Variants in GRID2 observed in about 807,000 individuals in gnomAD.
GRID2 encodes the protein glutamate ionotropic receptor delta type subunit 2.
A neutral mutation model predicts 114.8 loss-of-function variants in GRID2; 33 were observed. That is an observed-to-expected ratio of 0.29 (90% confidence interval 0.22 to 0.38). The LOEUF (loss-of-function observed/expected upper bound fraction) is 0.38, where lower values mean the gene tolerates loss of function less well. Ranked by LOEUF, GRID2 falls within the 10% of genes least tolerant of loss-of-function variation. GRID2 has a pLI of 1.00. For synonymous variants in GRID2, 505 were observed against 449.9 expected (o/e 1.12, Z -1.55); for missense variants, 1,184 against 1,257.7 (o/e 0.94, Z 0.89).
intron 1 of GRID2, among the ~76,000 whole-genome samples, chr4:92,382,106 T>G (rs1207622648): frequency 6.6e-6 from 1 of 151,904 alleles, no homozygotes; most frequent in African/African-American, 2.4e-5. Context: ...TTTGAATATA[T>G]TTATAGTTAC....
chr4:93,016,821 G>C (rs1203295759), intron 2 of GRID2, among the ~76,000 whole-genome samples: 2 of 152,122 alleles, frequency 1.3e-5, no homozygotes, highest in African/African-American at 4.8e-5. Flanking sequence ...AACTACTTTA[G>C]TCATTTTGAG....
chr4:92,867,344 A>G (rs1744943348), intron 2 of GRID2, among the ~76,000 whole-genome samples: 1 of 152,200 alleles, frequency 6.6e-6, no homozygotes, highest in East Asian at 1.9e-4. Context: ...TTTATTCACT[A>G]GAATCAAGGA....
intron 2 of GRID2, among the ~76,000 whole-genome samples, chr4:92,745,817 G>A (rs962526001): frequency 2.6e-5 from 4 of 152,070 alleles, no homozygotes; most frequent in East Asian, 1.9e-4. Flanking sequence ...AGACCATGTA[G>A]CAAATTCAAT....
At chr4:92,430,199 T>G (rs1732371375) in intron 1 of GRID2, among the ~76,000 whole-genome samples, 1 of 152,300 alleles carries the variant, frequency 6.6e-6, no homozygotes, top group East Asian at 1.9e-4. Flanking sequence ...TCGTGGAAAG[T>G]TTCCCCCATG....
chr4:93,371,795 T>G (rs950405446), intron 8 of GRID2, among the ~76,000 whole-genome samples: 3 of 141,858 alleles, frequency 2.1e-5, no homozygotes, highest in African/African-American at 8.3e-5. Context: ...TTGCCCAGGC[T>G]GGAGCGCAGT....
In GRID2 at chr4:93,440,398, G is replaced by T. The variant is rs78951599; in HGVS notation, c.1546-15264G>T. On this transcript the variant is annotated intron_variant, in intron 10 of 15. Coordinates refer to ENST00000282020, the MANE Select transcript of GRID2 (RefSeq NM_001510.4). ...GAAGCCCTTATAGAGACTTTAAATT[G>T]GACAGTGGCTAAGACTTTCATTCTT... Among the ~76,000 whole-genome samples the T allele has an allele frequency of 8.1e-3, 1,225 of 152,110 alleles. 12 individuals carry two copies. Among genetic ancestry groups the T allele is most frequent in the African/African-American group, 0.028 (1,180 of 41,510 alleles).
intron 7 of GRID2, among the ~76,000 whole-genome samples, chr4:93,232,182 G>A (rs1251733060): frequency 6.6e-6 from 1 of 152,038 alleles, no homozygotes; most frequent in Non-Finnish European, 1.5e-5. Flanking sequence ...GATAAAATCA[G>A]ACCTGAATTT....
intron 9 of GRID2, among the ~76,000 whole-genome samples, chr4:93,405,804 T>G (rs1419140382): frequency 6.6e-6 from 1 of 152,138 alleles, no homozygotes; most frequent in Non-Finnish European, 1.5e-5. Context: ...AGTTTCAACA[T>G]AATCACAAGA....
At chr4:93,604,418 T>C (rs1560806828) in intron 13 of GRID2, among the ~76,000 whole-genome samples, 1 of 152,202 alleles carries the variant, frequency 6.6e-6, no homozygotes, top group South Asian at 2.1e-4. Flanking sequence ...AGTCACTTCT[T>C]ATGGAAGAGC....
intron 2 of GRID2, among the ~76,000 whole-genome samples, chr4:92,635,734 C>G (rs556674449): frequency 2.4e-4 from 37 of 152,084 alleles, no homozygotes; most frequent in Non-Finnish European, 4.6e-4. Context: ...TTTTGAAATA[C>G]ATTTTTAGTG....
At chr4:93,029,211 C>T (rs1724161661) in intron 2 of GRID2, among the ~76,000 whole-genome samples, 1 of 151,906 alleles carries the variant, frequency 6.6e-6, no homozygotes, top group African/African-American at 2.4e-5. Flanking sequence ...TAAAGAAAAA[C>T]TTTATTTTTC....
intron 2 of GRID2, among the ~76,000 whole-genome samples, chr4:92,969,035 G>C (rs1456652008): frequency 6.6e-6 from 1 of 151,644 alleles, no homozygotes; most frequent in African/African-American, 2.4e-5. Context: ...CACTGAACTT[G>C]AGATTATTCA....
At chr4:93,423,172 T>C (rs1224008503) in intron 10 of GRID2, among the ~76,000 whole-genome samples, 1 of 152,056 alleles carries the variant, frequency 6.6e-6, no homozygotes, top group Admixed American at 6.5e-5. Flanking sequence ...GAAAAGTAGT[T>C]GACAAAATAA....
At chr4:92,622,628 A>AG (rs147355237) in intron 2 of GRID2, among the ~76,000 whole-genome samples, 7,129 of 151,824 alleles carry the variant, frequency 0.047, 205 homozygotes, top group East Asian at 0.095. Flanking sequence ...GATATTTAAG[A>AG]GGTTTTATTT....
chr4:92,920,278 T>G (rs1292926583), intron 2 of GRID2, among the ~76,000 whole-genome samples: 2 of 152,186 alleles, frequency 1.3e-5, no homozygotes, highest in African/African-American at 4.8e-5. Context: ...TACAGCACAC[T>G]GATGGGTCTT....
At chr4:93,515,764 C>T (rs1729657566) in intron 13 of GRID2, among the ~76,000 whole-genome samples, 2 of 152,116 alleles carry the variant, frequency 1.3e-5, no homozygotes, top group African/African-American at 2.4e-5. Context: ...TTAAATGACT[C>T]AGGGTATTTT....
intron 1 of GRID2, among the ~76,000 whole-genome samples, chr4:92,526,730 GCA>G (rs71300746): frequency 1.7e-4 from 25 of 149,560 alleles, no homozygotes; most frequent in Admixed American, 4.0e-4. Context: ...TTGGCCACAT[GCA>G]CACACACACA....
intron 8 of GRID2, among the ~76,000 whole-genome samples, chr4:93,387,019 G>GAAGCTTTCCTCTGTGAAGGCCTCCCAGGC (rs1764382635): frequency 6.6e-6 from 1 of 152,160 alleles, no homozygotes; most frequent in South Asian, 2.1e-4. Context: ...TTTGGGGAGG[G>GAAGCTTTCCTCTGTGAAGGCCTCCCAGGC]AAGCTTTCCT....
At chr4:92,693,602 T>C (rs1042193840) in intron 2 of GRID2, among the ~76,000 whole-genome samples, 3 of 152,204 alleles carry the variant, frequency 2.0e-5, no homozygotes, top group African/African-American at 7.2e-5. Flanking sequence ...ATTCCCATCT[T>C]AAGTTAGAGA....
Sources: gnomAD v4.1 joint callset for allele counts (sites outside exome capture counted in the v4.1 genomes callset) on GRCh38, gnomAD v4.1.1 for gene constraint, MANE v1.5 for transcripts, NCBI Gene and HGNC (gene_info 2026-07-23, HGNC 2026-07-21) for gene names.